Variants in CDH13 observed in about 807,000 individuals in gnomAD.
CDH13 encodes cadherin 13, also known as cadherin-13.
A neutral mutation model predicts 63.8 loss-of-function variants in CDH13; 24 were observed. That is an observed-to-expected ratio of 0.38 (90% CI 0.27 to 0.53). CDH13 has a LOEUF of 0.53. CDH13 is among the 20% of genes least tolerant of loss of function. The pLI is 0.85. For missense variants in CDH13, 1,049 were observed against 903.1 expected (o/e 1.16, Z -2.07); for synonymous variants, 503 against 355.3 (o/e 1.42, Z -4.67).
intron 8 of CDH13, among the ~76,000 whole-genome samples, chr16:83,663,263 T>G (rs1913607851): frequency 6.6e-6 from 1 of 152,204 alleles, no homozygotes; most frequent in African/African-American, 2.4e-5. Context: ...ACCACTGTTT[T>G]CAGCAGGGAC....
intron 2 of CDH13, among the ~76,000 whole-genome samples, chr16:82,870,258 T>C (rs962800181): frequency 3.3e-5 from 5 of 152,058 alleles, no homozygotes; most frequent in Admixed American, 1.3e-4. Context: ...AAAATGTATA[T>C]ATAAACATAT....
chr16:82,976,100 A>C (rs891618721), intron 2 of CDH13, among the ~76,000 whole-genome samples: 7 of 152,196 alleles, frequency 4.6e-5, no homozygotes, highest in Admixed American at 6.5e-5. Flanking sequence ...TTGACGAGGG[A>C]GACAAGAAAA....
At chr16:83,299,137 A>G (rs545089986) in intron 5 of CDH13, among the ~76,000 whole-genome samples, 1 of 152,292 alleles carries the variant, frequency 6.6e-6, no homozygotes, top group East Asian at 1.9e-4. Context: ...CTGTTTTGCA[A>G]CCTGTTTTAT....
chr16:83,602,064 G>C (rs1185224403), intron 7 of CDH13, among the ~76,000 whole-genome samples: 3 of 111,062 alleles, frequency 2.7e-5, no homozygotes, highest in Non-Finnish European at 5.0e-5. Context: ...CTGTACTCTA[G>C]AGAGTGAGAC....
At chr16:83,637,118 C>G (rs958896700) in intron 8 of CDH13, among the ~76,000 whole-genome samples, 1 of 152,120 alleles carries the variant, frequency 6.6e-6, no homozygotes, top group African/African-American at 2.4e-5. Flanking sequence ...TGTAGAAAAC[C>G]ATTTTAAATA....
intron 6 of CDH13, among the ~76,000 whole-genome samples, chr16:83,371,946 G>C (rs12444034): frequency 6.6e-6 from 1 of 152,000 alleles, no homozygotes; most frequent in Admixed American, 6.5e-5. Flanking sequence ...ATCATCCCCC[G>C]GACCGTATAT....
intron 2 of CDH13, among the ~76,000 whole-genome samples, chr16:82,899,103 G>A (rs1053695562): frequency 6.6e-6 from 1 of 152,190 alleles, no homozygotes; most frequent in African/African-American, 2.4e-5. Flanking sequence ...CACTTCAGTT[G>A]TCTAGAGAAA....
chr16:83,335,996 A>G (rs949555231), intron 5 of CDH13, among the ~76,000 whole-genome samples: 20 of 152,002 alleles, frequency 1.3e-4, no homozygotes, highest in Non-Finnish European at 2.5e-4. Context: ...CCCTACAGCT[A>G]TATTCTATTA....
intron 5 of CDH13, among the ~76,000 whole-genome samples, chr16:83,324,655 A>G (rs2090319484): frequency 6.6e-6 from 1 of 152,166 alleles, no homozygotes; most frequent in Non-Finnish European, 1.5e-5. Context: ...TCACTGATGG[A>G]CAGTTGGGTT....
Position 82,982,901 on chromosome 16 carries a change from C to T in CDH13, c.158-49109C>T, listed in dbSNP as rs371087727. ...AAATAAAACAGCTTTGATGGATACC[C>T]CCATGAACCGGAGTGAAAGGGATAC... is the stretch of plus-strand genomic sequence containing the variant. On this transcript the variant is annotated intron_variant, in intron 2 of 13. Coordinates refer to ENST00000567109, the MANE Select transcript of CDH13 (RefSeq NM_001257.5). Among the ~76,000 whole-genome samples the T allele has an allele frequency of 2.6e-5, 4 of 152,088 alleles. No individual in the cohort carries two copies. The South Asian group carries it at 8.3e-4, about 32-fold the overall frequency.
chr16:83,678,529 A>G, intron 10 of CDH13, 68 bp downstream of exon 10: 1 of 1,584,158 alleles, frequency 6.3e-7, no homozygotes, highest in Non-Finnish European at 8.6e-7. Flanking sequence ...CCAGTCGCAG[A>G]AGCTGGTTGT....
intron 2 of CDH13, among the ~76,000 whole-genome samples, chr16:82,890,901 C>T (rs951427266): frequency 4.6e-5 from 7 of 152,196 alleles, no homozygotes; most frequent in Non-Finnish European, 8.8e-5. Flanking sequence ...ATCTGCCCAC[C>T]GCAGCCTCCC....
chr16:82,738,655 G>A (rs534818252), intron 1 of CDH13, among the ~76,000 whole-genome samples: 8 of 152,302 alleles, frequency 5.3e-5, no homozygotes, highest in Admixed American at 6.5e-5. Context: ...CCTCATGCCA[G>A]TATCTACCAT....
chr16:82,776,358 C>A (rs1265376859), intron 1 of CDH13, among the ~76,000 whole-genome samples: 1 of 152,116 alleles, frequency 6.6e-6, no homozygotes, highest in Non-Finnish European at 1.5e-5. Flanking sequence ...TTTTGTGAGA[C>A]TATCAAGGCC....
intron 7 of CDH13, among the ~76,000 whole-genome samples, chr16:83,578,345 G>T (rs1045423598): frequency 6.6e-6 from 1 of 152,174 alleles, no homozygotes; most frequent in Admixed American, 6.5e-5. Flanking sequence ...GGCACAGACC[G>T]GGCGGTCAAT....
intron 7 of CDH13, among the ~76,000 whole-genome samples, chr16:83,555,255 G>A (rs1389729767): frequency 6.6e-6 from 1 of 152,148 alleles, no homozygotes; most frequent in Non-Finnish European, 1.5e-5. Flanking sequence ...CACAGAAACA[G>A]GCATAGGGGT....
intron 7 of CDH13, among the ~76,000 whole-genome samples, chr16:83,519,725 G>T (rs568984020): frequency 6.6e-6 from 1 of 152,188 alleles, no homozygotes; most frequent in African/African-American, 2.4e-5. Flanking sequence ...CTAGGGCAAT[G>T]GTGCGGGGAG....
rs117737977 is a variant in CDH13 at position 83,653,734 on chromosome 16, C to T, written c.1102-17056C>T. Reference sequence around the variant, plus strand: ...TCTCTTACCCTGCTTTATTTTTCTTCAAATAATCCAACAAGCTGGGTATTT... The same window carrying T: ...TCTCTTACCCTGCTTTATTTTTCTTTAAATAATCCAACAAGCTGGGTATTT... On this transcript the variant is annotated intron_variant, in intron 8 of 13. Coordinates refer to ENST00000567109, the MANE Select transcript of CDH13 (RefSeq NM_001257.5). 4.8e-3 allele frequency among the ~76,000 whole-genome samples: 735 copies of T among 152,246 alleles called. 3 individuals are homozygous for T. The highest frequency in any genetic ancestry group is 0.031 in the Middle Eastern group (9 of 294).
intron 5 of CDH13, among the ~76,000 whole-genome samples, chr16:83,268,090 C>T (rs567203763): frequency 6.6e-6 from 1 of 152,292 alleles, no homozygotes; most frequent in African/African-American, 2.4e-5. Context: ...ACACCTGCCC[C>T]TATGTGCACC....
Sources: gnomAD v4.1 joint callset for allele counts (sites outside exome capture counted in the v4.1 genomes callset) on GRCh38, gnomAD v4.1.1 for gene constraint, MANE v1.5 for transcripts, NCBI Gene and HGNC (gene_info 2026-07-23, HGNC 2026-07-21) for gene names.